Variants in FAM124A observed in about 807,000 individuals in gnomAD.
The protein encoded by FAM124A is family with sequence similarity 124 member A.
Under a neutral mutation model 24.5 loss-of-function variants are expected in FAM124A, and 23 were observed. The ratio of observed to expected loss-of-function variants is 0.94; its 90% CI spans 0.68 to 1.33. The LOEUF (loss-of-function observed/expected upper bound fraction) is 1.33, where lower values mean the gene tolerates loss of function less well. FAM124A is among the 40% of genes most tolerant of loss of function. FAM124A has a pLI of 0.00. For synonymous variants in FAM124A, 287 were observed against 314.7 expected (o/e 0.91, Z 0.93); for missense variants, 623 against 722.8 (o/e 0.86, Z 1.58).
At chr13:51,275,209 CAA>C (rs34573330) in intron 3 of FAM124A, among the ~76,000 whole-genome samples, 40 of 101,902 alleles carry the variant, frequency 3.9e-4, no homozygotes, top group Middle Eastern at 6.8e-3. Flanking sequence ...CCTGTATATA[CAA>C]AAAAAAAAAA....
chr13:51,269,682 T>G (rs1954821365), intron 3 of FAM124A, among the ~76,000 whole-genome samples: 2 of 152,254 alleles, frequency 1.3e-5, no homozygotes, highest in Non-Finnish European at 2.9e-5. Context: ...AAATAATTGT[T>G]AATTGTTAAC....
At chr13:51,235,607 T>C (rs1193489845) in intron 2 of FAM124A, among the ~76,000 whole-genome samples, 2 of 152,254 alleles carry the variant, frequency 1.3e-5, no homozygotes, top group Non-Finnish European at 2.9e-5. Flanking sequence ...CTAGTCCTAT[T>C]TGAGGCTGTT....
chr13:51,245,034 A>T (rs1954542222), intron 2 of FAM124A, among the ~76,000 whole-genome samples: 1 of 152,238 alleles, frequency 6.6e-6, no homozygotes, highest in East Asian at 1.9e-4. Context: ...ACACACAAGG[A>T]GTGAGATTAA....
At chr13:51,236,475 C>A (rs1034764077) in intron 2 of FAM124A, among the ~76,000 whole-genome samples, 13 of 152,204 alleles carry the variant, frequency 8.5e-5, no homozygotes, top group African/African-American at 3.1e-4. Context: ...ATTTTTGCAA[C>A]CCCTCAGCAT....
chr13:51,279,687 AGGATAGGC>A (rs1257620558), intron 3 of FAM124A, among the ~76,000 whole-genome samples: 8 of 152,178 alleles, frequency 5.3e-5, no homozygotes, highest in African/African-American at 1.7e-4. Flanking sequence ...CTGGACCAGG[AGGATAGGC>A]TGGGATATGA....
chr13:51,279,950 C>T (rs1374078539), intron 3 of FAM124A, among the ~76,000 whole-genome samples: 4 of 152,170 alleles, frequency 2.6e-5, no homozygotes, highest in Admixed American at 2.0e-4. Context: ...GAATCACACC[C>T]CATGTGGATC....
chr13:51,235,143 C>G (rs750023805), intron 2 of FAM124A, among the ~76,000 whole-genome samples: 1 of 152,042 alleles, frequency 6.6e-6, no homozygotes, highest in Non-Finnish European at 1.5e-5. Flanking sequence ...ACAAGGAAGA[C>G]GGGATTTTTA....
chr13:51,227,847 A>T (rs1954331418), intron 1 of FAM124A, among the ~76,000 whole-genome samples: 1 of 152,240 alleles, frequency 6.6e-6, no homozygotes, highest in Non-Finnish European at 1.5e-5. Context: ...GAGGACCTCC[A>T]ATTGATACTT....
intron 1 of FAM124A, among the ~76,000 whole-genome samples, chr13:51,223,330 A>T (rs1002895494): frequency 1.3e-5 from 2 of 152,094 alleles, no homozygotes; most frequent in African/African-American, 4.8e-5. Flanking sequence ...TAGGAGATGA[A>T]TGTCGTTATA....
At chr13:51,225,976 CTTTTTTTTTT>C (rs780570797) in intron 1 of FAM124A, among the ~76,000 whole-genome samples, 19,521 of 67,274 alleles carry the variant, frequency 0.29, 2,069 homozygotes, top group Non-Finnish European at 0.33. Flanking sequence ...TGCTTGCTTT[CTTTTTTTTTT>C]TTTTTTTTTT....
intron 2 of FAM124A, among the ~76,000 whole-genome samples, chr13:51,247,617 T>TC (rs1212937366): frequency 1.3e-5 from 2 of 152,142 alleles, no homozygotes; most frequent in East Asian, 3.8e-4. Flanking sequence ...ATGGTGTTTT[T>TC]CCCCCCTCAT....
Position 51,277,466 on chromosome 13 carries a change from T to G in FAM124A, c.835-2984T>G, listed in dbSNP as rs540534359. Reference sequence around the variant, plus strand: ...TATCTGCACATAAGAAATCTGCACTTGTACTCCCTAAATCTATAAAAAGTA... The same window carrying G: ...TATCTGCACATAAGAAATCTGCACTGGTACTCCCTAAATCTATAAAAAGTA... On this transcript the variant is annotated intron_variant, in intron 3 of 3. Transcript: ENST00000322475. Among the ~76,000 whole-genome samples the G allele has an allele frequency of 3.7e-4, 56 of 152,320 alleles. 2 individuals carry two copies. In the South Asian group the frequency reaches 0.011, roughly 31 times the overall value.
intron 1 of FAM124A, among the ~76,000 whole-genome samples, chr13:51,224,436 A>G (rs1954296803): frequency 6.6e-6 from 1 of 151,950 alleles, no homozygotes; most frequent in Non-Finnish European, 1.5e-5. Flanking sequence ...ACGCCATTGC[A>G]CTCCAGCATG....
At chr13:51,246,295 C>G (rs1954557334) in intron 2 of FAM124A, among the ~76,000 whole-genome samples, 1 of 151,196 alleles carries the variant, frequency 6.6e-6, no homozygotes, top group South Asian at 2.1e-4. Flanking sequence ...TGTGTTTCTC[C>G]AGGGAGGCAT....
chr13:51,230,834 A>G (rs1593585314), intron 1 of FAM124A, among the ~76,000 whole-genome samples: 1 of 152,194 alleles, frequency 6.6e-6, no homozygotes, highest in East Asian at 1.9e-4. Flanking sequence ...CAGTGGAAAT[A>G]TCATTGTGCC....
intron 3 of FAM124A, among the ~76,000 whole-genome samples, chr13:51,265,696 C>T (rs1954778812): frequency 6.6e-6 from 1 of 152,090 alleles, no homozygotes; most frequent in Non-Finnish European, 1.5e-5. Context: ...CCACCATCAT[C>T]ATCATCAGAG....
At position 51,251,754 on chromosome 13, in the gene FAM124A, C is replaced by G. The variant is rs1170219524; in HGVS notation, c.387C>G (p.Arg129=). ...GCACACTGCAGCAGCCGCCCTGGCG[C>G]CACCACCACACCGAGCAGGTGCACG... ...LHRTLQQPPW[R]HHHTEQVHGR... Residue 129 remains arginine, a synonymous_variant, in exon 3 of 4, where the codon CGC becomes CGG. Coordinates refer to ENST00000322475, the MANE Select transcript of FAM124A (RefSeq NM_001242312.2). The surrounding 1 kb of genome is among the most constrained non-coding windows in gnomAD (Gnocchi z 5.3). 1.9e-6 allele frequency: 3 copies of G among 1,586,466 alleles called. No individual in the cohort carries two copies. In the Admixed American group the frequency reaches 5.3e-5, roughly 28 times the overall value.
chr13:51,263,670 T>G (rs1221661183), intron 3 of FAM124A, among the ~76,000 whole-genome samples: 1 of 152,252 alleles, frequency 6.6e-6, no homozygotes, highest in African/African-American at 2.4e-5. Flanking sequence ...TCACTGTGTT[T>G]CTGCTTATTG....
chr13:51,239,909 T>G (rs1023451779), intron 2 of FAM124A, among the ~76,000 whole-genome samples: 2 of 152,190 alleles, frequency 1.3e-5, no homozygotes, highest in Non-Finnish European at 1.5e-5. Flanking sequence ...CGGGGAGACT[T>G]TCAGGTTTTG....
Sources: allele counts gnomAD v4.1 joint callset (sites outside exome capture counted in the v4.1 genomes callset), GRCh38; gene constraint gnomAD v4.1.1; non-coding constraint Gnocchi (gnomAD v3.1); transcripts MANE v1.5; gene names NCBI Gene and HGNC (gene_info 2026-07-23, HGNC 2026-07-21).